CDH12: variants seen among roughly 807,000 people sequenced by gnomAD.
CDH12 encodes cadherin 12, also known as cadherin-12.
In CDH12, 41 loss-of-function variants were observed where a neutral mutation model predicts 74.1. The ratio of observed to expected loss-of-function variants is 0.55; its 90% CI spans 0.43 to 0.72. The LOEUF is 0.72. CDH12 is among the 30% of genes least tolerant of loss of function. The pLI, the probability that CDH12 is intolerant of heterozygous loss-of-function variation, is 0.00. For synonymous variants in CDH12, 399 were observed against 355.0 expected, an observed-to-expected ratio of 1.12 and a Z score of -1.39; for missense variants, 945 against 977.2, an observed-to-expected ratio of 0.97 and a Z score of 0.44.
chr5:21,993,423 T>A (rs562102506), intron 5 of CDH12, among the ~76,000 whole-genome samples: 2,459 of 152,220 alleles, frequency 0.016, 66 homozygotes, highest in African/African-American at 0.057. Context: ...CCTAACCCTA[T>A]CACATGAGAC....
intron 1 of CDH12, among the ~76,000 whole-genome samples, chr5:22,636,020 G>C (rs1008637549): frequency 3.3e-5 from 5 of 151,238 alleles, no homozygotes; most frequent in Non-Finnish European, 7.4e-5. Context: ...ACTAAGAAAA[G>C]GATTACCAAA....
chr5:21,764,421 G>A (rs1314004438), intron 12 of CDH12, among the ~76,000 whole-genome samples: 4 of 149,054 alleles, frequency 2.7e-5, no homozygotes, highest in Middle Eastern at 3.7e-3. Flanking sequence ...AAATTTGCAG[G>A]TGTGTCACTT....
At chr5:22,663,482 C>T (rs1341983442) in intron 1 of CDH12, among the ~76,000 whole-genome samples, 2 of 152,156 alleles carry the variant, frequency 1.3e-5, no homozygotes, top group Admixed American at 1.3e-4. Context: ...TATTGTTTAT[C>T]ATCTATTTAA....
chr5:22,760,694 A>C (rs1374749651), intron 1 of CDH12, among the ~76,000 whole-genome samples: 35 of 151,154 alleles, frequency 2.3e-4, no homozygotes, highest in Middle Eastern at 3.4e-3. Flanking sequence ...AAAAAAAAAA[A>C]AAAAAACAAA....
chr5:22,044,351 T>C (rs1739785429), intron 5 of CDH12, among the ~76,000 whole-genome samples: 1 of 152,170 alleles, frequency 6.6e-6, no homozygotes, highest in Non-Finnish European at 1.5e-5. Flanking sequence ...CAGTTCTGCA[T>C]GGCTGGAAGG....
chr5:22,683,207 GC>G (rs1389262687), intron 1 of CDH12, among the ~76,000 whole-genome samples: 1 of 152,168 alleles, frequency 6.6e-6, no homozygotes, highest in Non-Finnish European at 1.5e-5. Context: ...GGGAGTCACA[GC>G]CAATGTGATG....
chr5:22,254,486 T>C (rs76984088), intron 3 of CDH12, among the ~76,000 whole-genome samples: 2,673 of 151,854 alleles, frequency 0.018, 50 homozygotes, highest in Non-Finnish European at 0.026. Flanking sequence ...TAGATCTTCT[T>C]ATTTCTTTTG....
chr5:22,149,635 TG>T (rs1747435877), intron 4 of CDH12, among the ~76,000 whole-genome samples: 1 of 152,202 alleles, frequency 6.6e-6, no homozygotes, highest in Non-Finnish European at 1.5e-5. Context: ...CCTACATGAA[TG>T]ATCTAATCTC....
At chr5:22,037,484 C>T (rs185201277) in intron 5 of CDH12, among the ~76,000 whole-genome samples, 1 of 152,150 alleles carries the variant, frequency 6.6e-6, no homozygotes, top group Non-Finnish European at 1.5e-5. Context: ...GAAAACAAAT[C>T]CCTCCAAGAG....
chr5:22,829,604 T>C lies in CDH12; in HGVS notation c.-523+23454A>G, dbSNP rs569849566. ...TGTGTCTTGTTTGCCTAATGTGATA[T>C]TGGCAACCTTGAAGAGAACAGACAT... is the stretch of plus-strand genomic sequence containing the variant. On this transcript the variant is annotated intron_variant, in intron 1 of 14. Coordinates refer to ENST00000382254, the MANE Select transcript of CDH12 (RefSeq NM_004061.5). Among the ~76,000 whole-genome samples the C allele has an allele frequency of 8.5e-5, 13 of 152,316 alleles. No individual in the cohort carries two copies. In the South Asian group the frequency reaches 1.2e-3, roughly 15 times the overall value.
At position 21,960,402 on chromosome 5, in the gene CDH12, T is replaced by C. The variant is rs534105014; in HGVS notation, c.526+14689A>G. On this transcript the variant is annotated intron_variant, in intron 6 of 14. Transcript: ENST00000382254. Reference sequence around the variant, plus strand: ...GAACTTTACTAATCTCTAATGCTTGTGAGTAGATTCTGAACTCATCATTTA... The same window carrying C: ...GAACTTTACTAATCTCTAATGCTTGCGAGTAGATTCTGAACTCATCATTTA... Among the ~76,000 whole-genome samples the C allele has an allele frequency of 2.4e-3, 364 of 152,252 alleles. 4 individuals carry two copies. The highest frequency in any genetic ancestry group is 8.2e-3 in the African/African-American group (341 of 41,562).
At chr5:22,533,116 T>C (rs1354199800) in intron 1 of CDH12, among the ~76,000 whole-genome samples, 1 of 152,142 alleles carries the variant, frequency 6.6e-6, no homozygotes, top group African/African-American at 2.4e-5. Flanking sequence ...TTTTCCTTCA[T>C]CCATTGGCTG....
rs531164120 is a variant in CDH12 at position 21,836,527 on chromosome 5, CTCT to C, written c.814+5631_814+5633del. Among the ~76,000 whole-genome samples, 189 of 150,774 alleles carry C rather than the reference CTCT, an allele frequency of 1.3e-3. 2 individuals carry two copies. The highest frequency in any genetic ancestry group is 4.5e-3 in the African/African-American group (186 of 41,090). The stretch of plus-strand genomic sequence containing the variant: ...TTCACATTTTCTATAATGGAAAACT[CTCT>C]TTTCATCAAATATTGTATACAGAGT... On this transcript the variant is annotated intron_variant, in intron 8 of 14. Coordinates refer to ENST00000382254, the MANE Select transcript of CDH12 (RefSeq NM_004061.5).
At chr5:22,798,119 C>T (rs1204368551) in intron 1 of CDH12, among the ~76,000 whole-genome samples, 2 of 152,104 alleles carry the variant, frequency 1.3e-5, no homozygotes, top group Non-Finnish European at 2.9e-5. Context: ...TTATCCCCTG[C>T]CTCAAATAAA....
intron 6 of CDH12, among the ~76,000 whole-genome samples, chr5:21,874,518 G>C (rs1484461411): frequency 3.3e-5 from 5 of 152,158 alleles, no homozygotes; most frequent in Admixed American, 3.3e-4. Context: ...AAAAGCACAG[G>C]GGGAAAGACA....
chr5:22,105,170 C>T (rs755938446), intron 4 of CDH12, among the ~76,000 whole-genome samples: 1 of 152,004 alleles, frequency 6.6e-6, no homozygotes, highest in Non-Finnish European at 1.5e-5. Flanking sequence ...CAGCTCACTA[C>T]AACCTCCAAT....
At chr5:21,872,783 G>GATCT (rs60717134) in intron 6 of CDH12, among the ~76,000 whole-genome samples, 3,419 of 142,054 alleles carry the variant, frequency 0.024, 58 homozygotes, top group African/African-American at 0.039. Context: ...TTAAGAGTAA[G>GATCT]ATCTATCTAT....
At chr5:22,194,043 T>G (rs937532289) in intron 4 of CDH12, among the ~76,000 whole-genome samples, 11 of 152,192 alleles carry the variant, frequency 7.2e-5, no homozygotes, top group Non-Finnish European at 5.9e-5. Context: ...GAGGCTTCTA[T>G]GTTCAAAACC....
At chr5:22,650,114 A>T (rs1288402236) in intron 1 of CDH12, among the ~76,000 whole-genome samples, 4 of 152,044 alleles carry the variant, frequency 2.6e-5, no homozygotes, top group Non-Finnish European at 5.9e-5. Context: ...AAAAGGAAAC[A>T]AATTATTGCT....
Sources: allele counts gnomAD v4.1 joint callset (sites outside exome capture counted in the v4.1 genomes callset), GRCh38; gene constraint gnomAD v4.1.1; transcripts MANE v1.5; gene names NCBI Gene and HGNC (gene_info 2026-07-23, HGNC 2026-07-21).